GALNT13: variants seen among roughly 807,000 people sequenced by gnomAD.
The protein encoded by GALNT13 is UDP-GalNAc:polypeptide N-acetylgalactosaminyltransferase 13.
A neutral mutation model predicts 64.2 loss-of-function variants in GALNT13; 28 were observed. The observed-to-expected ratio is 0.44, with a 90% CI of 0.32 to 0.60. The LOEUF (loss-of-function observed/expected upper bound fraction) is 0.60, where lower values mean the gene tolerates loss of function less well. GALNT13 is among the 20% of genes least tolerant of loss of function. The pLI is 0.05. For missense variants in GALNT13, 577 were observed against 669.8 expected (o/e 0.86, Z 1.53); for synonymous variants, 214 against 224.6 (o/e 0.95, Z 0.42).
chr2:153,964,117 C>G lies in GALNT13; in HGVS notation c.142+19478C>G, dbSNP rs181419125. Among the ~76,000 whole-genome samples, 60 of 152,022 alleles carry G rather than the reference C, an allele frequency of 3.9e-4. No individual in the cohort carries two copies. The South Asian group carries it at 0.012, about 30-fold the overall frequency. On this transcript the variant is annotated intron_variant, in intron 3 of 12. Transcript: ENST00000392825. ...CTCCATTCATTCAAAAATATATGCC[C>G]CTTGAAGATAAGAAAGGCATGAGTT...
intron 9 of GALNT13, among the ~76,000 whole-genome samples, chr2:154,356,209 T>C: frequency 6.6e-6 from 1 of 152,014 alleles, no homozygotes; most frequent in East Asian, 1.9e-4. Flanking sequence ...ATCAAGTTAA[T>C]TTAAATCTAA....
At chr2:153,940,864 C>CAAAAGAAAAA (rs1319761002) in intron 2 of GALNT13, among the ~76,000 whole-genome samples, 2 of 151,986 alleles carry the variant, frequency 1.3e-5, no homozygotes, top group Non-Finnish European at 2.9e-5. Flanking sequence ...CAATTTTCTA[C>CAAAAGAAAAA]AAAAGAAAGT....
At chr2:153,730,296 A>G in the GALNT13 span, among the ~76,000 whole-genome samples, 44 of 151,952 alleles carry the variant, frequency 2.9e-4, no homozygotes, top group African/African-American at 1.1e-3. Flanking sequence ...CACATCTACA[A>G]CCAACTGATT....
chr2:153,179,445 A>G, the GALNT13 span, among the ~76,000 whole-genome samples: 4 of 152,090 alleles, frequency 2.6e-5, no homozygotes, highest in East Asian at 1.9e-4. Context: ...TGCTATTTAA[A>G]TTACTTTCAC....
intron 11 of GALNT13, among the ~76,000 whole-genome samples, chr2:154,421,816 A>C (rs1445284257): frequency 1.3e-5 from 2 of 152,074 alleles, no homozygotes; most frequent in Non-Finnish European, 2.9e-5. Flanking sequence ...TTATAGATAG[A>C]TATCGCTGTT....
At chr2:153,718,060 C>G in the GALNT13 span, among the ~76,000 whole-genome samples, 1 of 152,122 alleles carries the variant, frequency 6.6e-6, no homozygotes, top group African/African-American at 2.4e-5. Context: ...CTCACCTCTT[C>G]TTTTAATTTA....
chr2:153,885,462 G>A (rs1687105246), intron 1 of GALNT13, among the ~76,000 whole-genome samples: 1 of 150,762 alleles, frequency 6.6e-6, no homozygotes. Context: ...ACAGCTTAAT[G>A]GTTTTTTTTG....
chr2:153,096,351 G>C, the GALNT13 span, among the ~76,000 whole-genome samples: 1 of 151,958 alleles, frequency 6.6e-6, no homozygotes, highest in Non-Finnish European at 1.5e-5. Context: ...ACAGCCATTC[G>C]ATAAAATGTT....
chr2:153,407,359 T>C, the GALNT13 span, among the ~76,000 whole-genome samples: 1 of 152,222 alleles, frequency 6.6e-6, no homozygotes, highest in Non-Finnish European at 1.5e-5. Context: ...TAAATGATCC[T>C]ACAATTTGAG....
chr2:154,277,028 G>T (rs1313438078), intron 8 of GALNT13, among the ~76,000 whole-genome samples: 1 of 152,096 alleles, frequency 6.6e-6, no homozygotes, highest in African/African-American at 2.4e-5. Context: ...AGCAGCATGG[G>T]AACAGACTAA....
intron 3 of GALNT13, among the ~76,000 whole-genome samples, chr2:154,118,520 A>G (rs1681736741): frequency 6.6e-6 from 1 of 151,610 alleles, no homozygotes. Context: ...CATTCCAGGT[A>G]ATTACTGACG....
chr2:153,913,318 CA>C (rs1464065530), intron 2 of GALNT13, among the ~76,000 whole-genome samples: 1 of 152,122 alleles, frequency 6.6e-6, no homozygotes, highest in African/African-American at 2.4e-5. Context: ...TCCATGTCAA[CA>C]GCAGTGGTAT....
chr2:154,430,958 C>A (rs1265707486), intron 11 of GALNT13, among the ~76,000 whole-genome samples: 1 of 152,160 alleles, frequency 6.6e-6, no homozygotes, highest in Non-Finnish European at 1.5e-5. Flanking sequence ...AATGCTACTG[C>A]ACGCTTAATA....
intron 3 of GALNT13, among the ~76,000 whole-genome samples, chr2:153,959,057 T>C (rs1475332835): frequency 6.6e-6 from 1 of 152,214 alleles, no homozygotes; most frequent in Non-Finnish European, 1.5e-5. Flanking sequence ...CAGCTGGCTG[T>C]TGGGAAAATA....
the GALNT13 span, among the ~76,000 whole-genome samples, chr2:153,448,765 A>G: frequency 6.6e-6 from 1 of 152,130 alleles, no homozygotes; most frequent in East Asian, 1.9e-4. Context: ...GACTCAGCCA[A>G]AGGCATCACA....
intron 3 of GALNT13, among the ~76,000 whole-genome samples, chr2:154,002,729 G>C (rs1695991388): frequency 6.6e-6 from 1 of 152,050 alleles, no homozygotes; most frequent in African/African-American, 2.4e-5. Context: ...ATTCATTCCT[G>C]TGCATTTGCT....
intron 1 of GALNT13, among the ~76,000 whole-genome samples, chr2:153,875,003 C>T (rs1247876708): frequency 1.3e-5 from 2 of 152,016 alleles, no homozygotes; most frequent in African/African-American, 4.8e-5. Context: ...AAAGTTCTCT[C>T]TTTTAATATA....
At chr2:154,054,264 A>G (rs1389519287) in intron 3 of GALNT13, among the ~76,000 whole-genome samples, 1 of 151,810 alleles carries the variant, frequency 6.6e-6, no homozygotes, top group East Asian at 1.9e-4. Context: ...TTTTCCCTGC[A>G]GAATGTTTTG....
At chr2:153,445,335 A>C in the GALNT13 span, among the ~76,000 whole-genome samples, 1 of 152,196 alleles carries the variant, frequency 6.6e-6, no homozygotes, top group African/African-American at 2.4e-5. Flanking sequence ...CATATGATAA[A>C]ATTTATTCTT....
Sources: gnomAD v4.1 joint callset for allele counts (sites outside exome capture counted in the v4.1 genomes callset) on GRCh38, gnomAD v4.1.1 for gene constraint, MANE v1.5 for transcripts, NCBI Gene and HGNC (gene_info 2026-07-23, HGNC 2026-07-21) for gene names.